Variants in HIVEP2 observed in about 807,000 individuals in gnomAD.
HIVEP2 encodes the protein HIVEP zinc finger 2.
A neutral mutation model predicts 180.7 loss-of-function variants in HIVEP2; 14 were observed. The observed-to-expected ratio is 0.08, with a 90% confidence interval of 0.05 to 0.12. The LOEUF (loss-of-function observed/expected upper bound fraction) is 0.12, where lower values mean the gene tolerates loss of function less well. HIVEP2 is among the 10% of genes least tolerant of loss of function. The pLI is 1.00. For synonymous variants in HIVEP2, 1,184 were observed against 1,136.4 expected, an observed-to-expected ratio of 1.04 and a Z score of -0.84; for missense variants, 2,579 against 3,008.5, an observed-to-expected ratio of 0.86 and a Z score of 3.34.
intron 1 of HIVEP2, among the ~76,000 whole-genome samples, chr6:142,903,703 A>G (rs1777189959): frequency 6.6e-6 from 1 of 152,226 alleles, no homozygotes; most frequent in Admixed American, 6.5e-5. Context: ...AACAAAACAA[A>G]ACAAAAAGGT....
chr6:142,773,779 T>G lies in HIVEP2; in HGVS notation c.960A>C (p.Gly320=). The change falls in exon 5 of 10, where the codon GGA becomes GGC. Residue 320 remains glycine (G), a synonymous_variant. Coordinates refer to ENST00000367603, the MANE Select transcript of HIVEP2 (RefSeq NM_006734.4). ...TCAAAATCGGCACCTTCATTGGACCTCCCAATGATTCTTCCAATGACCCAT... is the reference window on the plus strand; with the variant it reads ...TCAAAATCGGCACCTTCATTGGACCGCCCAATGATTCTTCCAATGACCCAT... ...GYHGSLEESL[G]GPMKVPILII... is the part of the protein sequence containing the mutation. The G allele has an allele frequency of 1.9e-6, 3 of 1,613,992 alleles. No individual in the cohort carries two copies. Among genetic ancestry groups the G allele is most frequent in the Non-Finnish European group, 8.5e-7 (1 of 1,180,018 alleles).
At chr6:142,793,210 T>C (rs573542661) in intron 2 of HIVEP2, among the ~76,000 whole-genome samples, 3 of 152,318 alleles carry the variant, frequency 2.0e-5, no homozygotes, top group African/African-American at 7.2e-5. Context: ...TAAGCTATTA[T>C]GTATGAACAG....
intron 2 of HIVEP2, among the ~76,000 whole-genome samples, chr6:142,818,438 A>G (rs1261608298): frequency 6.6e-6 from 1 of 151,942 alleles, no homozygotes; most frequent in East Asian, 1.9e-4. Flanking sequence ...GCACTTTGGG[A>G]GGCCAAAGCG....
chr6:142,852,563 C>A (rs1307846105), intron 1 of HIVEP2, among the ~76,000 whole-genome samples: 2 of 152,164 alleles, frequency 1.3e-5, no homozygotes, highest in Non-Finnish European at 2.9e-5. Flanking sequence ...AGTATCCCTC[C>A]TATCATGACC....
intron 1 of HIVEP2, among the ~76,000 whole-genome samples, chr6:142,867,129 TCC>T (rs1309706989): frequency 1.5e-4 from 23 of 152,168 alleles, no homozygotes; most frequent in African/African-American, 5.5e-4. Flanking sequence ...TTTCTTTTAA[TCC>T]AAATACACTT....
At chr6:142,870,125 C>G (rs1487254453) in intron 1 of HIVEP2, among the ~76,000 whole-genome samples, 1 of 151,972 alleles carries the variant, frequency 6.6e-6, no homozygotes, top group African/African-American at 2.4e-5. Flanking sequence ...CCAAGACCCA[C>G]CTGGGTCTGC....
intron 1 of HIVEP2, among the ~76,000 whole-genome samples, chr6:142,867,139 C>G (rs1048862838): frequency 1.5e-4 from 23 of 152,044 alleles, no homozygotes; most frequent in African/African-American, 5.6e-4. Flanking sequence ...TCCAAATACA[C>G]TTATTAGGAA....
rs777055037 is a variant in HIVEP2 at position 142,770,254 on chromosome 6, C to T, written c.4485G>A (p.Leu1495=). The stretch of plus-strand genomic sequence containing the variant: ...GCTCAGAAGCACATCCTTGTCGAAC[C>T]AGCTGGGGTTTCTGGGGGCGGGAGA... ...KDLSRPQKPQ[L]VRQGCASEPK... is the part of the protein sequence containing the mutation. The change falls in exon 5 of 10, where the codon CTG becomes CTA. Residue 1495 remains leucine (L), a synonymous_variant. Coordinates refer to ENST00000367603, the MANE Select transcript of HIVEP2 (RefSeq NM_006734.4). This position sits in a 1 kb window ranked among gnomAD's most constrained non-coding sequence, Gnocchi z 4.7. 63 of 1,614,068 alleles carry T rather than the reference C, an allele frequency of 3.9e-5. No homozygotes were observed. Among genetic ancestry groups the T allele is most frequent in the Non-Finnish European group, 5.2e-5 (61 of 1,180,038 alleles).
At chr6:142,757,688 T>TA (rs970817230) in intron 9 of HIVEP2, among the ~76,000 whole-genome samples, 14 of 150,952 alleles carry the variant, frequency 9.3e-5, no homozygotes, top group East Asian at 1.9e-4. Context: ...ATCAGATATT[T>TA]AAAAAAAAAT....
chr6:142,774,527 G>C lies in HIVEP2; in HGVS notation c.212C>G (p.Ser71Cys). Residue 71 changes from serine to cysteine, a missense_variant, in exon 5 of 10, where the codon TCC becomes TGC. Around this residue, in one of 11 missense-constraint regions of HIVEP2, gnomAD observed 207 missense variants for 210.1 expected, o/e 0.99. Transcript: ENST00000367603. This position sits in a 1 kb window ranked among gnomAD's most constrained non-coding sequence, Gnocchi z 5.1. The stretch of plus-strand genomic sequence containing the variant: ...GACTTGCTGCACCACTTCACTAGGG[G>C]AGGCCAGTTTCCCAGAACCAAACAG... ...AQLFGSGKLA[S>C]PSEVVQQVAE... 6.2e-7 allele frequency: 1 copy of C among 1,614,186 alleles called. No homozygotes were observed. The highest frequency in any genetic ancestry group is 1.1e-5 in the South Asian group (1 of 91,082).
At chr6:142,909,288 T>C (rs879666777) in intron 1 of HIVEP2, among the ~76,000 whole-genome samples, 1 of 152,192 alleles carries the variant, frequency 6.6e-6, no homozygotes, top group Non-Finnish European at 1.5e-5. Context: ...CTACTATCTA[T>C]AGACAAAAAT....
At chr6:142,868,331 A>C (rs1396424429) in intron 1 of HIVEP2, among the ~76,000 whole-genome samples, 1 of 152,222 alleles carries the variant, frequency 6.6e-6, no homozygotes, top group East Asian at 1.9e-4. Flanking sequence ...CTAAAGCTTC[A>C]GTGCATGGTT....
At position 142,771,729 on chromosome 6, in the gene HIVEP2, A is replaced by T. The variant is rs756266784; in HGVS notation, c.3010T>A (p.Ser1004Thr). 6.8e-6 allele frequency: 11 copies of T among 1,614,036 alleles called. No individual in the cohort carries two copies. Among genetic ancestry groups the T allele is most frequent in the Admixed American group, 1.7e-5 (1 of 60,008 alleles). The change falls in exon 5 of 10, where the codon TCA (serine) becomes ACA (threonine). Residue 1004 changes from serine (S) to threonine (T), a missense_variant. By Grantham distance (58) the Ser-to-Thr change is moderately conservative (BLOSUM62 1). This residue lies in a region of HIVEP2 where 523 missense variants were observed against 577.0 expected (regional missense o/e 0.91). Transcript: ENST00000367603. This position sits in a 1 kb window ranked among gnomAD's most constrained non-coding sequence, Gnocchi z 5.4. ...LPKQDEFGKH[S>T]EFLTVPAGSY... ...CCAGCAGGGACAGTCAGAAACTCTGAATGCTTCCCAAACTCATCCTGCTTA... is the reference window on the plus strand; with the variant it reads ...CCAGCAGGGACAGTCAGAAACTCTGTATGCTTCCCAAACTCATCCTGCTTA...
chr6:142,944,369 C>G (rs1000107428), intron 1 of HIVEP2, among the ~76,000 whole-genome samples: 5 of 148,784 alleles, frequency 3.4e-5, no homozygotes, highest in Non-Finnish European at 7.5e-5. Flanking sequence ...CCACCCCCCC[C>G]CCCCACCAAA....
In HIVEP2 at chr6:142,770,168, T is replaced by C; in HGVS notation, c.4571A>G (p.Gln1524Arg). The stretch of plus-strand genomic sequence containing the variant: ...AGACGGGCTAACAGAAGGATAGTCT[T>C]GAGATGAGGAGGGCGACAGCGAGGA... The part of the protein sequence containing the change: ...SFSSLSPSSS[Q>R]DYPSVSPSSR... The change falls in exon 5 of 10, where the codon CAA becomes CGA. Residue 1524 changes from glutamine to arginine, a missense_variant. Gln to Arg is a conservative substitution (Grantham distance 43). Around this residue, in one of 11 missense-constraint regions of HIVEP2, gnomAD observed 349 missense variants for 367.2 expected, o/e 0.95. Transcript: ENST00000367603. The surrounding 1 kb of genome is among the most constrained non-coding windows in gnomAD (Gnocchi z 4.7). 1 of 1,614,138 alleles carries C rather than the reference T, an allele frequency of 6.2e-7. No homozygotes were observed. Among genetic ancestry groups the C allele is most frequent in the Non-Finnish European group, 8.5e-7 (1 of 1,180,012 alleles).
intron 2 of HIVEP2, among the ~76,000 whole-genome samples, chr6:142,791,451 T>C (rs981274383): frequency 3.1e-4 from 47 of 152,194 alleles, no homozygotes; most frequent in Non-Finnish European, 1.2e-4. Flanking sequence ...TGACAAACTG[T>C]GAATGGCATT....
chr6:142,820,434 T>G (rs1777001008), intron 2 of HIVEP2, among the ~76,000 whole-genome samples: 1 of 152,146 alleles, frequency 6.6e-6, no homozygotes, highest in Admixed American at 6.5e-5. Context: ...TCCAGATCTA[T>G]TTTTGATGTC....
rs1418292906 is a variant in HIVEP2, at chr6:142,752,039, G to C, written c.*1068C>G. On this transcript the variant is annotated 3_prime_UTR_variant, in exon 10 of 10. Coordinates refer to ENST00000367603, the MANE Select transcript of HIVEP2 (RefSeq NM_006734.4). ...AGGTCTTCTCCATGAGCAGCGCACA[G>C]CACTGCCTGCCAAGCCACCGGGCCG... The C allele has an allele frequency of 6.5e-6, 1 of 152,722 alleles. No homozygotes were observed. Among genetic ancestry groups the C allele is most frequent in the East Asian group, 1.9e-4 (1 of 5,198 alleles). 9.5% of individuals were successfully genotyped at this position (152,722 alleles called of 1,614,324 possible).
chr6:142,800,418 G>C (rs1776375245), intron 2 of HIVEP2, among the ~76,000 whole-genome samples: 1 of 152,090 alleles, frequency 6.6e-6, no homozygotes, highest in Non-Finnish European at 1.5e-5. Flanking sequence ...GAAACAATGG[G>C]TTCCTTTCCA....
Sources: gnomAD v4.1 joint callset for allele counts (sites outside exome capture counted in the v4.1 genomes callset) on GRCh38, gnomAD v4.1.1 for gene constraint, gnomAD v4.1.1 regional missense constraint, Gnocchi (gnomAD v3.1) non-coding constraint, MANE v1.5 for transcripts, NCBI Gene and HGNC (gene_info 2026-07-23, HGNC 2026-07-21) for gene names.